COL25A1: variants seen among roughly 807,000 people sequenced by gnomAD.
COL25A1 encodes collagen type XXV alpha 1 chain, also known as collagen alpha-1(XXV) chain.
In COL25A1, 103 loss-of-function variants were observed where a neutral mutation model predicts 128.4. That is an observed-to-expected ratio of 0.80 (90% CI 0.68 to 0.94). The LOEUF is 0.94. Ranked by LOEUF, COL25A1 falls within the 40% of genes least tolerant of loss-of-function variation. The pLI, the probability that COL25A1 is intolerant of heterozygous loss-of-function variation, is 0.00. For synonymous variants in COL25A1, 279 were observed against 277.2 expected (o/e 1.01, Z -0.06); for missense variants, 745 against 840.0 (o/e 0.89, Z 1.40).
intron 3 of COL25A1, among the ~76,000 whole-genome samples, chr4:109,164,147 C>G (rs1711182084): frequency 6.6e-6 from 1 of 151,960 alleles, no homozygotes; most frequent in African/African-American, 2.4e-5. Context: ...AGAAGTGGGC[C>G]TGGCTTGTGC....
chr4:108,948,234 C>T (rs908184020), intron 8 of COL25A1, among the ~76,000 whole-genome samples: 1 of 152,066 alleles, frequency 6.6e-6, no homozygotes, highest in Non-Finnish European at 1.5e-5. Context: ...CTAGATCATT[C>T]CATATTGCAG....
chr4:109,278,079 G>A (rs967957358), intron 3 of COL25A1, among the ~76,000 whole-genome samples: 3 of 149,784 alleles, frequency 2.0e-5, no homozygotes, highest in South Asian at 2.1e-4. Flanking sequence ...AGGTTGCAGC[G>A]AGCCGAGATC....
Position 108,940,597 on chromosome 4 carries a change from G to C in COL25A1, c.614C>G (p.Pro205Arg). The C allele has an allele frequency of 6.2e-7, 1 of 1,611,754 alleles. No homozygotes were observed. ...GPPGPPGPPGPRGPPGDTGKD... is the reference protein window; with the variant it reads ...GPPGPPGPPGRRGPPGDTGKD... ...CCCTGTGTCCCCAGGTGGCCCTCTT[G>C]GGCCTGGAGGGCCAGGGGGTCCTGG... is the stretch of plus-strand genomic sequence containing the variant. Residue 205 changes from proline to arginine, a missense_variant, in exon 10 of 38, where the codon CCA becomes CGA. Around this residue, in one of 3 missense-constraint regions of COL25A1, gnomAD observed 319 missense variants for 324.9 expected, o/e 0.98. Coordinates refer to ENST00000399132, the MANE Select transcript of COL25A1 (RefSeq NM_198721.4).
chr4:109,248,448 T>C (rs1025365817), intron 3 of COL25A1, among the ~76,000 whole-genome samples: 3 of 152,134 alleles, frequency 2.0e-5, no homozygotes. Context: ...CCCATTCAAC[T>C]GGCAGCAGTG....
chr4:108,879,756 A>G (rs1438272836), intron 19 of COL25A1, among the ~76,000 whole-genome samples: 6 of 151,104 alleles, frequency 4.0e-5, no homozygotes, highest in African/African-American at 7.3e-5. Flanking sequence ...CTGGTGGTAC[A>G]TGTTGAAAGA....
At chr4:109,184,389 G>T (rs1774949541) in intron 3 of COL25A1, among the ~76,000 whole-genome samples, 1 of 152,104 alleles carries the variant, frequency 6.6e-6, no homozygotes, top group Non-Finnish European at 1.5e-5. Context: ...ATCATTTCCT[G>T]AATCTGTAAT....
intron 3 of COL25A1, among the ~76,000 whole-genome samples, chr4:109,185,942 T>C (rs941819134): frequency 1.3e-5 from 2 of 152,160 alleles, no homozygotes; most frequent in Non-Finnish European, 2.9e-5. Flanking sequence ...TGTGAGAAAA[T>C]AAATTTCTGT....
At chr4:109,017,829 A>T (rs928707142) in intron 5 of COL25A1, among the ~76,000 whole-genome samples, 8 of 152,220 alleles carry the variant, frequency 5.3e-5, no homozygotes, top group African/African-American at 1.9e-4. Flanking sequence ...CTGTTTCAAG[A>T]TAATTAGAAA....
intron 3 of COL25A1, among the ~76,000 whole-genome samples, chr4:109,132,479 G>T (rs1012268315): frequency 1.3e-5 from 2 of 152,016 alleles, no homozygotes; most frequent in African/African-American, 4.8e-5. Flanking sequence ...ATATATAAGA[G>T]AATTTTAAAT....
intron 20 of COL25A1, among the ~76,000 whole-genome samples, chr4:108,867,162 C>T (rs1268404491): frequency 1.3e-5 from 2 of 152,184 alleles, no homozygotes; most frequent in Admixed American, 1.3e-4. Context: ...GAATGAACTT[C>T]ACTCTCTACT....
intron 3 of COL25A1, among the ~76,000 whole-genome samples, chr4:109,174,979 G>A (rs188456480): frequency 2.0e-5 from 3 of 152,258 alleles, no homozygotes; most frequent in African/African-American, 4.8e-5. Flanking sequence ...TGTGAACTGC[G>A]CTTGTGAGGG....
At chr4:109,171,401 G>A (rs1162913502) in intron 3 of COL25A1, among the ~76,000 whole-genome samples, 1 of 152,192 alleles carries the variant, frequency 6.6e-6, no homozygotes, top group East Asian at 1.9e-4. Flanking sequence ...ATTAGGTCAT[G>A]AGGGTGGAAT....
chr4:109,255,808 T>C (rs1322002429), intron 3 of COL25A1, among the ~76,000 whole-genome samples: 1 of 152,230 alleles, frequency 6.6e-6, no homozygotes, highest in Non-Finnish European at 1.5e-5. Context: ...CAATGAATAC[T>C]ACATCTGTTA....
At chr4:109,131,386 G>A (rs144462358) in intron 3 of COL25A1, among the ~76,000 whole-genome samples, 1 of 152,244 alleles carries the variant, frequency 6.6e-6, no homozygotes, top group East Asian at 1.9e-4. Context: ...TACTGATGTG[G>A]CAGAAATGTA....
chr4:109,007,991 C>T (rs932768616), intron 6 of COL25A1, among the ~76,000 whole-genome samples: 2 of 152,196 alleles, frequency 1.3e-5, no homozygotes, highest in African/African-American at 4.8e-5. Flanking sequence ...TTATTAACTA[C>T]TATGCATTTA....
chr4:109,211,616 A>T (rs1050958788), intron 3 of COL25A1, among the ~76,000 whole-genome samples: 1 of 151,952 alleles, frequency 6.6e-6, no homozygotes, highest in Non-Finnish European at 1.5e-5. Flanking sequence ...AAAAAAACTT[A>T]AAAAATAAAA....
At chr4:108,818,767 G>A (rs1184678786) in intron 36 of COL25A1, among the ~76,000 whole-genome samples, 4 of 151,938 alleles carry the variant, frequency 2.6e-5, no homozygotes, top group Non-Finnish European at 5.9e-5. Flanking sequence ...GCATTCTCTT[G>A]AATTGGTTAA....
At chr4:108,882,820 T>C (rs1740288467) in intron 19 of COL25A1, among the ~76,000 whole-genome samples, 1 of 152,124 alleles carries the variant, frequency 6.6e-6, no homozygotes, top group Non-Finnish European at 1.5e-5. Context: ...AACAAAAAGA[T>C]AGAACTAAAA....
At chr4:109,118,096 G>T (rs553628019) in intron 3 of COL25A1, among the ~76,000 whole-genome samples, 1 of 151,478 alleles carries the variant, frequency 6.6e-6, no homozygotes, top group African/African-American at 2.4e-5. Flanking sequence ...ATCAGTGGTC[G>T]AAATACAGCA....
Sources: allele counts gnomAD v4.1 joint callset (sites outside exome capture counted in the v4.1 genomes callset), GRCh38; gene constraint gnomAD v4.1.1; regional missense constraint gnomAD v4.1.1; transcripts MANE v1.5; gene names NCBI Gene and HGNC (gene_info 2026-07-23, HGNC 2026-07-21).